HACD3: variants seen among roughly 807,000 people sequenced by gnomAD.
HACD3 encodes the protein 3-hydroxyacyl-CoA dehydratase 3.
HACD3 carries 30 observed loss-of-function variants against 55.2 expected under a neutral mutation model. That is an observed-to-expected ratio of 0.54 (90% CI 0.41 to 0.74). The LOEUF (loss-of-function observed/expected upper bound fraction) is 0.74. Ranked by LOEUF, HACD3 falls within the 30% of genes least tolerant of loss-of-function variation. HACD3 has a pLI of 0.00. For synonymous variants in HACD3, 141 were observed against 151.7 expected, an observed-to-expected ratio of 0.93 and a Z score of 0.52; for missense variants, 363 against 440.1, an observed-to-expected ratio of 0.82 and a Z score of 1.57.
chr15:65,539,057 T>C (rs894671593), intron 1 of HACD3, among the ~76,000 whole-genome samples: 3 of 152,194 alleles, frequency 2.0e-5, no homozygotes, highest in African/African-American at 4.8e-5. Context: ...TATTGTGATA[T>C]TAGCTTTATT....
intron 2 of HACD3, among the ~76,000 whole-genome samples, chr15:65,552,630 CTGTTTTT>C (rs1307803939): frequency 6.6e-6 from 1 of 151,386 alleles, no homozygotes; most frequent in African/African-American, 2.4e-5. Flanking sequence ...GCCACCGTGC[CTGTTTTT>C]TGTTTTTTGT....
chr15:65,567,252 G>A (rs759805566), intron 7 of HACD3, among the ~76,000 whole-genome samples: 2 of 152,050 alleles, frequency 1.3e-5, no homozygotes. Flanking sequence ...GCAGGAGTTC[G>A]ATGTTGCAGT....
In HACD3 at chr15:65,551,541, A is replaced by T. The variant is rs938758620; in HGVS notation, c.88-135A>T. The T allele has an allele frequency of 3.2e-6, 3 of 948,684 alleles. No homozygotes were observed. The African/African-American group carries it at 4.9e-5, about 15-fold the overall frequency. 58.8% of individuals were successfully genotyped at this position (948,684 alleles called of 1,614,324 possible). A position where few individuals can be genotyped will look rare whatever the true frequency, so the allele number is the denominator to read the frequency against. On this transcript the variant is annotated intron_variant, in intron 1 of 10. Transcript: ENST00000261875. ...TACAGAGATGTGAATAAATGACTAA[A>T]TATATTTCTGGGGGAGGCACAGAGT...
intron 7 of HACD3, 150 bp downstream of exon 7, chr15:65,564,492 T>A: frequency 1.0e-6 from 1 of 1,002,800 alleles, no homozygotes; most frequent in Non-Finnish European, 1.4e-6. Flanking sequence ...GGACTTACAG[T>A]TCCATGTGGC....
intron 1 of HACD3, among the ~76,000 whole-genome samples, chr15:65,539,955 C>G (rs1349148270): frequency 6.6e-6 from 1 of 152,184 alleles, no homozygotes; most frequent in African/African-American, 2.4e-5. Flanking sequence ...TGGAAACGAC[C>G]AACTCCAATC....
At chr15:65,551,588 A>G in intron 1 of HACD3, 88 bp from the exon 2 acceptor site, 1 of 1,451,176 alleles carries the variant, frequency 6.9e-7, no homozygotes, top group South Asian at 1.1e-5. Flanking sequence ...TCCTTATGGG[A>G]GAGGGATGAG....
At chr15:65,575,938 C>A (rs2072396449) in intron 10 of HACD3, among the ~76,000 whole-genome samples, 1 of 152,028 alleles carries the variant, frequency 6.6e-6, no homozygotes. Context: ...ACTAAAAATA[C>A]AAAAAATTAG....
In HACD3 at chr15:65,571,658, C is replaced by T. The variant is rs2072349372; in HGVS notation, c.880+4C>T. ...CCACTGGGATGTTTGGCGGAAGGTA[C>T]TCTCAGGGACTCTTAGCTTTCATAG... On this transcript the variant is annotated splice_donor_region_variant and intron_variant, in intron 9 of 10. Coordinates refer to ENST00000261875, the MANE Select transcript of HACD3 (RefSeq NM_016395.4). 5.6e-6 allele frequency: 9 copies of T among 1,599,978 alleles called. No homozygotes were observed. Among genetic ancestry groups the T allele is most frequent in the Non-Finnish European group, 7.7e-6 (9 of 1,167,368 alleles).
At chr15:65,569,371 A>C (rs144700353) in intron 7 of HACD3, among the ~76,000 whole-genome samples, 203 of 152,232 alleles carry the variant, frequency 1.3e-3, no homozygotes, top group Admixed American at 2.2e-3. Context: ...GGCAAAATGA[A>C]ACAATATACT....
At chr15:65,550,336 G>A (rs940469101) in intron 1 of HACD3, among the ~76,000 whole-genome samples, 3 of 152,164 alleles carry the variant, frequency 2.0e-5, no homozygotes, top group Non-Finnish European at 2.9e-5. Context: ...ACAGTGAGCC[G>A]AGACTGAGCC....
chr15:65,577,349 A>G lies in HACD3; in HGVS notation c.*970A>G, dbSNP rs765307872. ...GCTGAGATGGGAGGATCCTGAGCTC[A>G]GGAGGTCAAGGCTGCAGTGAGCCGA... is the stretch of plus-strand genomic sequence containing the variant. On this transcript the variant is annotated 3_prime_UTR_variant, in exon 11 of 11. Coordinates refer to ENST00000261875, the MANE Select transcript of HACD3 (RefSeq NM_016395.4). The G allele has an allele frequency of 3.3e-5, 5 of 152,248 alleles. No individual in the cohort carries two copies. Among genetic ancestry groups the G allele is most frequent in the Non-Finnish European group, 7.3e-5 (5 of 68,108 alleles). 9.4% of individuals were successfully genotyped at this position (152,248 alleles called of 1,614,324 possible). A position where few individuals can be genotyped will look rare whatever the true frequency, so the allele number is the denominator to read the frequency against.
intron 1 of HACD3, among the ~76,000 whole-genome samples, chr15:65,547,099 G>A (rs1216150919): frequency 2.0e-5 from 3 of 152,018 alleles, no homozygotes; most frequent in Admixed American, 1.3e-4. Flanking sequence ...AGGGAAGCCC[G>A]TTAGTGATTG....
intron 9 of HACD3, 149 bp downstream of exon 9, chr15:65,571,803 ACTC>A: frequency 1.5e-6 from 1 of 665,908 alleles, no homozygotes. Context: ...CTTCCATAAT[ACTC>A]CTGGTACCCA....
rs545028625 is a variant in HACD3 at position 65,535,137 on chromosome 15, G to A, written c.87+4419G>A. Among the ~76,000 whole-genome samples the A allele has an allele frequency of 5.5e-4, 84 of 152,128 alleles. 1 individual carries two copies. In the South Asian group the frequency reaches 0.017, roughly 31 times the overall value. The stretch of plus-strand genomic sequence containing the variant: ...TTTCAGGTGCATTAATGACCTAAAC[G>A]CATAAAGAAAAACTACTAAAAAGAA... On this transcript the variant is annotated intron_variant, in intron 1 of 10. Transcript: ENST00000261875.
chr15:65,557,146 C>T lies in HACD3; in HGVS notation c.369+243C>T, dbSNP rs1410613252. On this transcript the variant is annotated intron_variant, in intron 4 of 10. Coordinates refer to ENST00000261875, the MANE Select transcript of HACD3 (RefSeq NM_016395.4). ...AGGTGATAGATGTTGAGGAGAAGAC[C>T]ACTGAAGTAAAGTGCAATTCTTATC... Among the ~76,000 whole-genome samples, 7 of 152,236 alleles carry T rather than the reference C, an allele frequency of 4.6e-5. No homozygotes were observed. The East Asian group carries it at 1.4e-3, about 29-fold the overall frequency.
chr15:65,539,153 G>A (rs1242464078), intron 1 of HACD3, among the ~76,000 whole-genome samples: 3 of 150,274 alleles, frequency 2.0e-5, no homozygotes, highest in Non-Finnish European at 4.4e-5. Context: ...CATTAGAGTA[G>A]GAAAATTGAA....
At chr15:65,576,121 G>A (rs2072398382) in intron 10 of HACD3, among the ~76,000 whole-genome samples, 182 bp from the exon 11 acceptor site, 1 of 152,094 alleles carries the variant, frequency 6.6e-6, no homozygotes, top group Non-Finnish European at 1.5e-5. Flanking sequence ...ACCCACTGGG[G>A]AAAAATTGCT....
chr15:65,547,406 C>T (rs750030991), intron 1 of HACD3, among the ~76,000 whole-genome samples: 9 of 152,326 alleles, frequency 5.9e-5, no homozygotes, highest in Admixed American at 1.3e-4. Context: ...TGAGCCACCG[C>T]GCCCGGCCAA....
At chr15:65,570,656 A>G (rs547439371) in intron 8 of HACD3, among the ~76,000 whole-genome samples, 8 of 152,222 alleles carry the variant, frequency 5.3e-5, no homozygotes, top group South Asian at 4.2e-4. Context: ...CTCTAACCCA[A>G]TTTTCCCGTT....
Sources: allele counts gnomAD v4.1 joint callset (sites outside exome capture counted in the v4.1 genomes callset), GRCh38; gene constraint gnomAD v4.1.1; transcripts MANE v1.5; gene names NCBI Gene and HGNC (gene_info 2026-07-23, HGNC 2026-07-21).